The following ESYT2 variants were observed in gnomAD, a reference collection of about 807,000 sequenced individuals.
The protein encoded by ESYT2 is extended synaptotagmin-2.
ESYT2 carries 54 observed loss-of-function variants against 107.2 expected under a neutral mutation model. The ratio of observed to expected loss-of-function variants is 0.50; its 90% CI spans 0.40 to 0.63. The LOEUF is 0.63. Ranked by LOEUF, ESYT2 falls within the 30% of genes least tolerant of loss-of-function variation. The probability of loss-of-function intolerance (pLI) is 0.00; values close to 1 mark genes in which losing one functional copy is unlikely to be tolerated. For missense variants in ESYT2, 1,020 were observed against 1,094.5 expected (o/e 0.93, Z 0.96); for synonymous variants, 491 against 434.1 (o/e 1.13, Z -1.63).
At chr7:158,799,377 C>CA (rs1172675529) in intron 1 of ESYT2, among the ~76,000 whole-genome samples, 1 of 152,154 alleles carries the variant, frequency 6.6e-6, no homozygotes, top group African/African-American at 2.4e-5. Flanking sequence ...ATAAATTATA[C>CA]AAAACTGACC....
At chr7:158,818,878 AC>A (rs771388339) in intron 1 of ESYT2, among the ~76,000 whole-genome samples, 4 of 152,126 alleles carry the variant, frequency 2.6e-5, no homozygotes, top group Non-Finnish European at 4.4e-5. Context: ...CTCAAAGCTA[AC>A]CAGAGGCCGG....
rs572201620 is a variant in ESYT2, at chr7:158,761,687, C to T, written c.1185-143G>A. 180 of 688,604 alleles carry T rather than the reference C, an allele frequency of 2.6e-4. 1 individual carries two copies. In the South Asian group the frequency reaches 3.1e-3, roughly 12 times the overall value. The allele number at this position is 688,604 out of a possible 1,614,324, so 42.7% of individuals were successfully genotyped here. A position where few individuals can be genotyped will look rare whatever the true frequency, so the allele number is the denominator to read the frequency against. ...CAAGCACTCCAGAAATGCAACAAAA[C>T]GCTAATAATTTATCAAGGAACAGAC... On this transcript the variant is annotated intron_variant, in intron 10 of 22. Transcript: ENST00000275418.
intron 7 of ESYT2, among the ~76,000 whole-genome samples, chr7:158,772,163 C>T (rs1240791494): frequency 6.6e-6 from 1 of 152,022 alleles, no homozygotes; most frequent in Non-Finnish European, 1.5e-5. Context: ...TACTTAAGAC[C>T]ACTTAAGTCA....
At chr7:158,786,424 GA>G (rs927139610) in intron 6 of ESYT2, among the ~76,000 whole-genome samples, 3 of 151,238 alleles carry the variant, frequency 2.0e-5, no homozygotes, top group Admixed American at 6.6e-5. Context: ...ACTGGTATGG[GA>G]AAAAAAACAC....
chr7:158,808,862 T>A (rs1255587746), intron 1 of ESYT2, among the ~76,000 whole-genome samples: 3 of 147,854 alleles, frequency 2.0e-5, no homozygotes, highest in African/African-American at 7.4e-5. Flanking sequence ...TAGTCCCAGC[T>A]ACTTGGGAGG....
intron 1 of ESYT2, among the ~76,000 whole-genome samples, chr7:158,823,471 C>T (rs1042601581): frequency 2.0e-5 from 3 of 150,736 alleles, no homozygotes; most frequent in African/African-American, 7.3e-5. Context: ...GGACTACAGG[C>T]GCACACCGCC....
chr7:158,825,200 G>C (rs535322023), intron 1 of ESYT2, among the ~76,000 whole-genome samples: 6 of 152,326 alleles, frequency 3.9e-5, no homozygotes, highest in African/African-American at 1.4e-4. Flanking sequence ...GGCTGAGGCA[G>C]GAGAGTCGCT....
At chr7:158,749,522 C>A in intron 15 of ESYT2, 127 bp downstream of exon 15, 1 of 781,284 alleles carries the variant, frequency 1.3e-6, no homozygotes, top group South Asian at 1.6e-5. Context: ...CTGAAAAGCC[C>A]TGGTCTCGAT....
chr7:158,756,293 G>A (rs988189474), intron 13 of ESYT2, among the ~76,000 whole-genome samples: 25 of 152,220 alleles, frequency 1.6e-4, no homozygotes, highest in Middle Eastern at 3.4e-3. Context: ...AGGTGAAAAC[G>A]GCTCTCTACT....
At chr7:158,761,387 T>C in intron 11 of ESYT2, 109 bp downstream of exon 11, 1 of 869,846 alleles carries the variant, frequency 1.1e-6, no homozygotes, top group Non-Finnish European at 1.9e-6. Context: ...CCATACTAAT[T>C]AGGATTCCGG....
At chr7:158,758,356 G>A (rs1310354107) in intron 13 of ESYT2, among the ~76,000 whole-genome samples, 1 of 152,218 alleles carries the variant, frequency 6.6e-6, no homozygotes. Context: ...GAAGCCAAGG[G>A]CGTGCATATC....
At chr7:158,780,075 T>A (rs919140504) in intron 6 of ESYT2, among the ~76,000 whole-genome samples, 1 of 152,086 alleles carries the variant, frequency 6.6e-6, no homozygotes, top group Non-Finnish European at 1.5e-5. Flanking sequence ...AGAACAAAGT[T>A]TCTAAACTTT....
At chr7:158,771,884 C>T (rs112093215) in intron 7 of ESYT2, among the ~76,000 whole-genome samples, 4 of 152,134 alleles carry the variant, frequency 2.6e-5, no homozygotes, top group South Asian at 2.1e-4. Context: ...TTTGGGAGGC[C>T]GAGGCAGGCA....
At chr7:158,776,976 C>A (rs1838589587) in intron 6 of ESYT2, among the ~76,000 whole-genome samples, 1 of 152,036 alleles carries the variant, frequency 6.6e-6, no homozygotes, top group African/African-American at 2.4e-5. Flanking sequence ...CTTCAGCCTC[C>A]CAAGTAGCTG....
intron 20 of ESYT2, 100 bp from the exon 21 acceptor site, chr7:158,735,708 T>C (rs1246262073): frequency 9.7e-7 from 1 of 1,032,996 alleles, no homozygotes; most frequent in African/African-American, 1.6e-5. Flanking sequence ...CCAAATGTCA[T>C]GTTTGTTTTT....
rs547900513 is a variant in ESYT2, at chr7:158,741,884, C to T, written c.1807G>A (p.Glu603Lys). Residue 603 changes from glutamate (E) to lysine (K), a missense_variant, in exon 18 of 23, where the codon GAA becomes AAA. Glu to Lys is a moderately conservative substitution (Grantham distance 56). Coordinates refer to ENST00000275418, the MANE Select transcript of ESYT2 (RefSeq NM_001367773.1). ...MKIALRVLHL[E>K]KRERPPDHQH... ...TGGTCTGGAGGCCTTTCTCGCTTTTCGAGATGGAGCACCTAGAGGTGGACA... is the reference window on the plus strand; with the variant it reads ...TGGTCTGGAGGCCTTTCTCGCTTTTTGAGATGGAGCACCTAGAGGTGGACA... 5.2e-5 allele frequency: 84 copies of T among 1,603,358 alleles called. No individual in the cohort carries two copies. In the South Asian group the frequency reaches 8.3e-4, roughly 16 times the overall value.
At chr7:158,783,666 C>T (rs1382604512) in intron 6 of ESYT2, among the ~76,000 whole-genome samples, 5 of 151,380 alleles carry the variant, frequency 3.3e-5, no homozygotes, top group Admixed American at 2.0e-4. Context: ...GACGAGATCC[C>T]CACAAAACAA....
At position 158,776,276 on chromosome 7, in the gene ESYT2, A is replaced by G. The variant is rs1292725334; in HGVS notation, c.748-2880T>C. On this transcript the variant is annotated intron_variant, in intron 6 of 22. Coordinates refer to ENST00000275418, the MANE Select transcript of ESYT2 (RefSeq NM_001367773.1). ...ACTTCAACTTAAAGTCACCACCTGC[A>G]TTAGCTGTGACAAGACAGTTAGCTT... Among the ~76,000 whole-genome samples, 3 of 152,236 alleles carry G rather than the reference A, an allele frequency of 2.0e-5. No homozygotes were observed. The East Asian group carries it at 5.8e-4, about 29-fold the overall frequency.
intron 8 of ESYT2, among the ~76,000 whole-genome samples, chr7:158,765,101 G>A (rs567816290): frequency 3.2e-4 from 49 of 152,196 alleles, no homozygotes; most frequent in African/African-American, 1.1e-3. Flanking sequence ...GAGAACAGAT[G>A]GGCTTCTGGA....
Sources: gnomAD v4.1 joint callset for allele counts (sites outside exome capture counted in the v4.1 genomes callset) on GRCh38, gnomAD v4.1.1 for gene constraint, MANE v1.5 for transcripts, NCBI Gene and HGNC (gene_info 2026-07-23, HGNC 2026-07-21) for gene names.